The following IPO7 variants were observed in gnomAD, a reference collection of about 807,000 sequenced individuals.
The protein encoded by IPO7 is importin-7.
IPO7 carries 13 observed loss-of-function variants against 136.4 expected under a neutral mutation model. The observed-to-expected ratio is 0.10, with a 90% CI of 0.06 to 0.15. The LOEUF (loss-of-function observed/expected upper bound fraction) is 0.15. Among genes scored for constraint, IPO7 ranks in the 10% least tolerant of loss-of-function variants. The pLI is 1.00. For missense variants in IPO7, 857 were observed against 1,240.6 expected (o/e 0.69, Z 4.65); for synonymous variants, 403 against 404.4 (o/e 1.00, Z 0.04).
At chr11:9,395,528 C>T (rs12801924) in intron 1 of IPO7, among the ~76,000 whole-genome samples, 67,773 of 151,944 alleles carry the variant, frequency 0.45, 17,040 homozygotes, top group Non-Finnish European at 0.56. Context: ...TGTGAGCCAC[C>T]GCCCCCGGCC....
intron 1 of IPO7, chr11:9,392,110 C>G (rs1854641437): frequency 3.0e-6 from 1 of 336,552 alleles, no homozygotes; most frequent in Non-Finnish European, 5.8e-6. Context: ...AATGACTTAA[C>G]CTCACTATGC....
intron 4 of IPO7, among the ~76,000 whole-genome samples, chr11:9,412,841 G>C (rs1266202987): frequency 6.6e-6 from 1 of 151,178 alleles, no homozygotes; most frequent in Non-Finnish European, 1.5e-5. Context: ...AAAAAAAAAA[G>C]GATACTGGAA....
At chr11:9,442,812 C>T (rs925772250) in intron 24 of IPO7, among the ~76,000 whole-genome samples, 3 of 151,832 alleles carry the variant, frequency 2.0e-5, no homozygotes, top group Admixed American at 6.5e-5. Context: ...TGCCTGAGCT[C>T]GGGAGTTTGA....
chr11:9,385,784 G>C (rs1312153925), intron 1 of IPO7, among the ~76,000 whole-genome samples: 2 of 152,062 alleles, frequency 1.3e-5, no homozygotes, highest in Non-Finnish European at 2.9e-5. Flanking sequence ...TTAATTGCAT[G>C]AATATTTATT....
At chr11:9,436,515 CTAA>C (rs1307563082) in intron 20 of IPO7, 149 bp downstream of exon 20, 2 of 554,324 alleles carry the variant, frequency 3.6e-6, no homozygotes, top group African/African-American at 3.8e-5. Context: ...CAAAATGTAA[CTAA>C]TATATAATAA....
intron 1 of IPO7, among the ~76,000 whole-genome samples, chr11:9,397,341 A>AAAAAAAAAAAAAATAT: frequency 9.3e-5 from 1 of 10,760 alleles, no homozygotes; most frequent in African/African-American, 2.5e-4. Flanking sequence ...TTTAAAAAAA[A>AAAAAAAAAAAAAATAT]ATATATATAT....
intron 5 of IPO7, among the ~76,000 whole-genome samples, chr11:9,415,610 G>A (rs1387903692): frequency 3.3e-5 from 5 of 152,098 alleles, no homozygotes; most frequent in South Asian, 2.1e-4. Context: ...AGGCCGAGGC[G>A]GGCGGATCAC....
At chr11:9,397,752 A>C (rs1213566331) in intron 1 of IPO7, among the ~76,000 whole-genome samples, 1 of 152,132 alleles carries the variant, frequency 6.6e-6, no homozygotes, top group African/African-American at 2.4e-5. Context: ...GTTAGAGCAT[A>C]CTCTGAGAAA....
intron 16 of IPO7, among the ~76,000 whole-genome samples, chr11:9,431,336 C>G (rs1855291396): frequency 6.6e-6 from 1 of 151,938 alleles, no homozygotes; most frequent in South Asian, 2.1e-4. Context: ...ATTTACAATC[C>G]TAACCATTTT....
At position 9,429,229 on chromosome 11, in the gene IPO7, T is replaced by C. The variant is rs202227683; in HGVS notation, c.1591+33T>C. 1.2e-3 allele frequency: 1,960 copies of C among 1,585,678 alleles called. 35 individuals carry two copies. In the South Asian group the frequency reaches 0.021, roughly 17 times the overall value. Reference sequence around the variant, plus strand: ...ATTTTTGTATGTCAAGAAAAGTGAATGTTGGCCAGGTGCGGTAGGTCACAC... The same window carrying C: ...ATTTTTGTATGTCAAGAAAAGTGAACGTTGGCCAGGTGCGGTAGGTCACAC... On this transcript the variant is annotated intron_variant, in intron 14 of 24. Coordinates refer to ENST00000379719, the MANE Select transcript of IPO7 (RefSeq NM_006391.3).
chr11:9,389,955 C>T (rs1167919879), intron 1 of IPO7, among the ~76,000 whole-genome samples: 1 of 152,174 alleles, frequency 6.6e-6, no homozygotes, highest in Non-Finnish European at 1.5e-5. Flanking sequence ...CGGGGTTTCA[C>T]CATGTTGGCC....
chr11:9,385,242 C>G (rs1445082677), intron 1 of IPO7, among the ~76,000 whole-genome samples: 1 of 152,136 alleles, frequency 6.6e-6, no homozygotes, highest in Admixed American at 6.6e-5. Context: ...TGAGACCAGT[C>G]TCGCCGTCGC....
At chr11:9,432,397 TCAC>T (rs1855307698) in intron 16 of IPO7, among the ~76,000 whole-genome samples, 1 of 152,060 alleles carries the variant, frequency 6.6e-6, no homozygotes, top group Admixed American at 6.6e-5. Context: ...AGACAGGGTT[TCAC>T]CATGTTGGCC....
intron 2 of IPO7, among the ~76,000 whole-genome samples, chr11:9,406,173 G>C: frequency 8.1e-6 from 1 of 124,158 alleles, no homozygotes. Context: ...GGCTGGTTTC[G>C]GCTTCCAAAG....
intron 2 of IPO7, among the ~76,000 whole-genome samples, chr11:9,405,532 C>T (rs1854870381): frequency 6.6e-6 from 1 of 152,146 alleles, no homozygotes; most frequent in Admixed American, 6.5e-5. Flanking sequence ...AAGCCATCCT[C>T]CCACCTCAGC....
At chr11:9,407,862 A>T (rs1421962086) in intron 2 of IPO7, among the ~76,000 whole-genome samples, 1 of 152,166 alleles carries the variant, frequency 6.6e-6, no homozygotes, top group Non-Finnish European at 1.5e-5. Flanking sequence ...AGCAGCCTGG[A>T]TTTTACCACT....
intron 1 of IPO7, among the ~76,000 whole-genome samples, chr11:9,388,974 A>G (rs2133715660): frequency 6.6e-6 from 1 of 152,172 alleles, no homozygotes; most frequent in East Asian, 1.9e-4. Flanking sequence ...AATAGGCTTT[A>G]TGACTGACTT....
intron 14 of IPO7, 130 bp from the exon 15 acceptor site, chr11:9,429,544 A>T (rs1855263298): frequency 1.7e-6 from 1 of 577,928 alleles, no homozygotes; most frequent in South Asian, 2.1e-5. Flanking sequence ...AAAAAGCCAT[A>T]ATCCTAGAAA....
At chr11:9,413,971 G>A (rs1184892079) in intron 4 of IPO7, among the ~76,000 whole-genome samples, 3 of 151,784 alleles carry the variant, frequency 2.0e-5, no homozygotes, top group Non-Finnish European at 2.9e-5. Context: ...GAGAAAGATA[G>A]TTAACGTCTG....
Sources: allele counts gnomAD v4.1 joint callset (sites outside exome capture counted in the v4.1 genomes callset), GRCh38; gene constraint gnomAD v4.1.1; transcripts MANE v1.5; gene names NCBI Gene and HGNC (gene_info 2026-07-23, HGNC 2026-07-21).